The following TRIM36 variants were observed in gnomAD, a reference collection of about 807,000 sequenced individuals.
TRIM36 encodes the protein tripartite motif containing 36, also known as E3 ubiquitin-protein ligase TRIM36.
A neutral mutation model predicts 72.4 loss-of-function variants in TRIM36; 42 were observed. The ratio of observed to expected loss-of-function variants is 0.58; its 90% CI spans 0.45 to 0.75. TRIM36 has a LOEUF of 0.75. Among genes scored for constraint, TRIM36 ranks in the 30% least tolerant of loss-of-function variants. The pLI, the probability that TRIM36 is intolerant of heterozygous loss-of-function variation, is 0.00. For missense variants in TRIM36, 913 were observed against 857.1 expected (o/e 1.07, Z -0.81); for synonymous variants, 315 against 282.8 (o/e 1.11, Z -1.14).
Position 115,143,222 on chromosome 5 carries a change from C to CAAAAA in TRIM36, c.735+1371_735+1375dup, listed in dbSNP as rs59083853. ...GAGTGCCTGTTCCCCACCAGCCAGA[C>CAAAAA]AAAAAAAAAAAAAAAAAAAAAAAAA... On this transcript the variant is annotated intron_variant, in intron 4 of 9. Coordinates refer to ENST00000513154, the MANE Select transcript of TRIM36 (RefSeq NM_001300759.2). 6.8e-4 allele frequency among the ~76,000 whole-genome samples: 39 copies of CAAAAA among 57,488 alleles called. 1 individual carries two copies. The highest frequency in any genetic ancestry group is 1.1e-3 in the East Asian group (2 of 1,742). 37.7% of individuals were successfully genotyped at this position (57,488 alleles called of 152,430 possible). A position where few individuals can be genotyped will look rare whatever the true frequency, so the allele number is the denominator to read the frequency against.
At chr5:115,136,709 A>G (rs767664881) in intron 7 of TRIM36, among the ~76,000 whole-genome samples, 41 of 152,260 alleles carry the variant, frequency 2.7e-4, no homozygotes, top group Non-Finnish European at 5.0e-4. Context: ...CCAAAATTTC[A>G]TATATTTACA....
At chr5:115,143,239 A>C (rs1181268550) in intron 4 of TRIM36, among the ~76,000 whole-genome samples, 1 of 151,252 alleles carries the variant, frequency 6.6e-6, no homozygotes, top group African/African-American at 2.4e-5. Flanking sequence ...AAAAAAAAAA[A>C]AAAAAAAAAA....
In TRIM36 at chr5:115,169,795, A is replaced by T; in HGVS notation, c.-161T>A. 5 of 1,324,256 alleles carry T rather than the reference A, an allele frequency of 3.8e-6. No individual in the cohort carries two copies. Among genetic ancestry groups the T allele is most frequent in the Non-Finnish European group, 4.9e-6 (5 of 1,030,028 alleles). 82.0% of individuals were successfully genotyped at this position (1,324,256 alleles called of 1,614,324 possible). A position where few individuals can be genotyped will look rare whatever the true frequency, so the allele number is the denominator to read the frequency against. ...GTGGCCAGCGGACCGACGCGGGGAG[A>T]AGTAAGCCGGGGCAGGCAAAAGCAC... On this transcript the variant is annotated 5_prime_UTR_variant, in exon 1 of 10. Coordinates refer to ENST00000513154, the MANE Select transcript of TRIM36 (RefSeq NM_001300759.2).
chr5:115,143,977 TCTC>T (rs2112828678), intron 4 of TRIM36, among the ~76,000 whole-genome samples: 1 of 152,094 alleles, frequency 6.6e-6, no homozygotes, highest in African/African-American at 2.4e-5. Flanking sequence ...TTCACAGCAT[TCTC>T]CTGCCTCAGC....
intron 2 of TRIM36, among the ~76,000 whole-genome samples, chr5:115,150,631 T>C (rs777481864): frequency 6.6e-6 from 1 of 152,000 alleles, no homozygotes; most frequent in Non-Finnish European, 1.5e-5. Context: ...ACTACAGAAA[T>C]AGGAAAGCTG....
At chr5:115,138,859 AGGCTGTAGTGCAGT>A (rs766214742) in intron 5 of TRIM36, among the ~76,000 whole-genome samples, 42 of 152,126 alleles carry the variant, frequency 2.8e-4, no homozygotes, top group Non-Finnish European at 5.4e-4. Flanking sequence ...TCTGTCGCCC[AGGCTGTAGTGCAGT>A]GGCGCGATCT....
chr5:115,161,250 A>C (rs1754468593), intron 2 of TRIM36, among the ~76,000 whole-genome samples: 1 of 152,180 alleles, frequency 6.6e-6, no homozygotes, highest in Admixed American at 6.5e-5. Flanking sequence ...TTAACCATTT[A>C]GCCATATCTG....
intron 2 of TRIM36, chr5:115,149,568 T>TAAAA (rs1561434304): frequency 3.9e-5 from 1 of 25,784 alleles, no homozygotes; most frequent in Non-Finnish European, 6.0e-5. Flanking sequence ...CTCAGAAATT[T>TAAAA]GAAAAAAAAA....
chr5:115,143,991 C>A (rs1229250755), intron 4 of TRIM36, among the ~76,000 whole-genome samples: 1 of 152,206 alleles, frequency 6.6e-6, no homozygotes, highest in African/African-American at 2.4e-5. Flanking sequence ...CTGCCTCAGC[C>A]TCTTGAGTAG....
At position 115,136,981 on chromosome 5, in the gene TRIM36, T is replaced by G; in HGVS notation, c.1210+19A>C. 1 of 1,551,298 alleles carries G rather than the reference T, an allele frequency of 6.4e-7. No individual in the cohort carries two copies. On this transcript the variant is annotated intron_variant, in intron 7 of 9. Transcript: ENST00000513154. ...ATTCAGACAAAAAGAATGAGGTTTTTGCCTTCATTAAGACTTACCACTAGA... is the reference window on the plus strand; with the variant it reads ...ATTCAGACAAAAAGAATGAGGTTTTGGCCTTCATTAAGACTTACCACTAGA...
At chr5:115,176,389 AT>A (rs1371657820) in intron 1 of TRIM36, among the ~76,000 whole-genome samples, 1 of 152,064 alleles carries the variant, frequency 6.6e-6, no homozygotes, top group Non-Finnish European at 1.5e-5. Context: ...AAATTCTTGA[AT>A]TTTTTGTGCC....
chr5:115,157,713 G>T (rs1561440299), intron 2 of TRIM36, among the ~76,000 whole-genome samples: 1 of 152,102 alleles, frequency 6.6e-6, no homozygotes, highest in African/African-American at 2.4e-5. Context: ...CAAAAACGTG[G>T]AAAAAACCCA....
At chr5:115,130,995 G>A (rs1250766025) in intron 8 of TRIM36, 106 bp from the exon 9 acceptor site, 17 of 1,295,016 alleles carry the variant, frequency 1.3e-5, no homozygotes, top group Non-Finnish European at 1.7e-5. Context: ...ACAGGAAGCG[G>A]GAAGGAGGTG....
chr5:115,171,200 T>C, upstream of TRIM36: 3 of 1,614,218 alleles, frequency 1.9e-6, no homozygotes, highest in Non-Finnish European at 2.5e-6. Context: ...TCTGCAGCGG[T>C]AGCCTCGTCT....
chr5:115,132,092 T>C (rs974684656), intron 8 of TRIM36, among the ~76,000 whole-genome samples: 3 of 151,946 alleles, frequency 2.0e-5, no homozygotes, highest in African/African-American at 4.8e-5. Context: ...CCTTTAGTCC[T>C]AGCTACATGG....
intron 1 of TRIM36, among the ~76,000 whole-genome samples, chr5:115,175,702 ATTATAT>A (rs546376818): frequency 1.2e-3 from 178 of 152,300 alleles, no homozygotes; most frequent in Middle Eastern, 6.8e-3. Flanking sequence ...TAAGAGGAAA[ATTATAT>A]TTATGAAAGT....
Position 115,130,602 on chromosome 5 carries a change from C to T in TRIM36, c.1786G>A (p.Val596Ile). 1 of 1,613,724 alleles carries T rather than the reference C, an allele frequency of 6.2e-7. No individual in the cohort carries two copies. Among genetic ancestry groups the T allele is most frequent in the East Asian group, 2.2e-5 (1 of 44,874 alleles). ...QEWLRSPRDA[V>I]SPRYEQDSGH... ...AATACAAAAACCTACCTTGGACTAA[C>T]TGCATCCCGGGGAGAACGGAGCCAT... Residue 596 changes from valine to isoleucine, a missense_variant, in exon 9 of 10, where the codon GTT becomes ATT. Val to Ile is a conservative substitution (Grantham distance 29). Coordinates refer to ENST00000513154, the MANE Select transcript of TRIM36 (RefSeq NM_001300759.2).
intron 1 of TRIM36, among the ~76,000 whole-genome samples, chr5:115,178,579 G>A (rs532036089): frequency 1.3e-5 from 2 of 152,186 alleles, no homozygotes; most frequent in Non-Finnish European, 2.9e-5. Context: ...TGGTCAAGGG[G>A]CTGCTGCTGG....
chr5:115,126,693 A>G lies in TRIM36; in HGVS notation c.1961T>C (p.Ile654Thr), dbSNP rs926567938. 3 of 1,614,202 alleles carry G rather than the reference A, an allele frequency of 1.9e-6. No homozygotes were observed. Among genetic ancestry groups the G allele is most frequent in the African/African-American group, 1.3e-5 (1 of 75,060 alleles). Residue 654 changes from isoleucine (I) to threonine (T), a missense_variant, in exon 10 of 10, where the codon ATT (isoleucine) becomes ACT (threonine). Coordinates refer to ENST00000513154, the MANE Select transcript of TRIM36 (RefSeq NM_001300759.2). The stretch of plus-strand genomic sequence containing the variant: ...TTTATCACAGTCAAGGAAAATCCCA[A>G]TACTTGTTGGCATAGGGAGAACTCT... Reference protein sequence around the residue: ...ENRVLPMPTSIGIFLDCDKGK... With the variant: ...ENRVLPMPTSTGIFLDCDKGK...
Sources: gnomAD v4.1 joint callset for allele counts (sites outside exome capture counted in the v4.1 genomes callset) on GRCh38, gnomAD v4.1.1 for gene constraint, MANE v1.5 for transcripts, NCBI Gene and HGNC (gene_info 2026-07-23, HGNC 2026-07-21) for gene names.